The following POLA1 variants were observed in gnomAD, a reference collection of about 807,000 sequenced individuals.
The protein encoded by POLA1 is DNA polymerase alpha 1, catalytic subunit.
In POLA1, 15 loss-of-function variants were observed where a neutral mutation model predicts 124.0. The ratio of observed to expected loss-of-function variants is 0.12; its 90% CI spans 0.08 to 0.19. The LOEUF is 0.19. POLA1 is among the 10% of genes least tolerant of loss of function. The pLI, the probability that POLA1 is intolerant of heterozygous loss-of-function variation, is 1.00. For missense variants in POLA1, 886 were observed against 1,103.4 expected, an observed-to-expected ratio of 0.80 and a Z score of 2.79; for synonymous variants, 408 against 389.4, an observed-to-expected ratio of 1.05 and a Z score of -0.56.
chrX:24,888,280 GCTTT>G (rs2047090767), intron 35 of POLA1, among the ~76,000 whole-genome samples, 158 bp downstream of exon 35: 1 of 111,961 alleles, frequency 8.9e-6, no homozygotes, highest in African/African-American at 3.2e-5. Context: ...AAAGATACAT[GCTTT>G]CTTTTTTTCA....
chrX:24,931,332 C>T (rs1407106527), intron 36 of POLA1, among the ~76,000 whole-genome samples: 2 of 111,038 alleles, frequency 1.8e-5, no homozygotes, highest in Admixed American at 9.6e-5. Context: ...TTTTGTTGGT[C>T]GGTACTAGGG....
chrX:24,734,054 A>G (rs1316928927), intron 17 of POLA1: 1 of 234,000 alleles, frequency 4.3e-6, no homozygotes, highest in Non-Finnish European at 7.9e-6. Flanking sequence ...GTGGTTGGAT[A>G]GGCTCAAACC....
intron 26 of POLA1, among the ~76,000 whole-genome samples, chrX:24,802,027 G>A (rs1186720789): frequency 1.9e-5 from 2 of 105,484 alleles, no homozygotes; most frequent in Admixed American, 1.0e-4. Context: ...CGGCAGCCCA[G>A]GGAATAGTTG....
intron 35 of POLA1, among the ~76,000 whole-genome samples, chrX:24,914,520 C>T (rs1207980010): frequency 2.0e-5 from 2 of 101,930 alleles, no homozygotes; most frequent in African/African-American, 4.1e-5. Context: ...CATCTCCCCC[C>T]ACCCCCGCAA....
chrX:24,980,923 C>T lies in POLA1; in HGVS notation c.4262-14882C>T, dbSNP rs776746219. Among the ~76,000 whole-genome samples, 6 of 111,652 alleles carry T rather than the reference C, an allele frequency of 5.4e-5. No individual in the cohort carries two copies. In the South Asian group the frequency reaches 1.1e-3, roughly 21 times the overall value. ...CTGTGTGGGTACCTATATTATTTATCGGTGGTTATTGAAAATGAATGACTA... is the reference window on the plus strand; with the variant it reads ...CTGTGTGGGTACCTATATTATTTATTGGTGGTTATTGAAAATGAATGACTA... On this transcript the variant is annotated intron_variant, in intron 36 of 36. Transcript: ENST00000379068.
intron 36 of POLA1, among the ~76,000 whole-genome samples, chrX:24,977,290 C>T (rs1004920606): frequency 1.8e-5 from 2 of 112,430 alleles, no homozygotes; most frequent in African/African-American, 6.5e-5. Context: ...CACCCTCATA[C>T]TTAATTGATA....
At chrX:24,896,211 C>T (rs1019749163) in intron 35 of POLA1, among the ~76,000 whole-genome samples, 1 of 111,264 alleles carries the variant, frequency 9.0e-6, no homozygotes, top group African/African-American at 3.3e-5. Flanking sequence ...GTGCCGCTGG[C>T]ATCTCTTGAG....
chrX:24,864,537 C>T (rs73471545), intron 34 of POLA1, among the ~76,000 whole-genome samples: 6,496 of 111,428 alleles, frequency 0.058, 452 homozygotes, highest in African/African-American at 0.2. Flanking sequence ...CTTCCCTTTC[C>T]ACAGACTCTA....
chrX:24,995,078 A>G (rs1297716196), intron 36 of POLA1, among the ~76,000 whole-genome samples: 5 of 111,021 alleles, frequency 4.5e-5, no homozygotes, highest in East Asian at 2.8e-4. Flanking sequence ...AAGAAAGAAA[A>G]AAAACAACAT....
intron 32 of POLA1, among the ~76,000 whole-genome samples, chrX:24,837,274 A>G (rs2046352670): frequency 8.9e-6 from 1 of 112,138 alleles, no homozygotes; most frequent in African/African-American, 3.2e-5. Context: ...TATAGTAGCA[A>G]TCGCTCATCT....
At chrX:24,777,476 T>C (rs903745568) in intron 26 of POLA1, among the ~76,000 whole-genome samples, 11 of 110,846 alleles carry the variant, frequency 9.9e-5, no homozygotes, top group Non-Finnish European at 1.7e-4. Context: ...TCAAATTAAC[T>C]TTTTTGTCTT....
At chrX:24,797,920 C>T (rs1345592294) in intron 26 of POLA1, among the ~76,000 whole-genome samples, 2 of 107,524 alleles carry the variant, frequency 1.9e-5, no homozygotes, top group African/African-American at 6.8e-5. Flanking sequence ...TGGTGGGGTG[C>T]GCCTATAGTC....
chrX:24,806,030 C>T (rs142178173), intron 26 of POLA1, among the ~76,000 whole-genome samples: 1 of 47,433 alleles, frequency 2.1e-5, no homozygotes, highest in Non-Finnish European at 3.9e-5. Context: ...TTGTTGACTT[C>T]TAGAACATTT....
chrX:24,993,885 T>TA (rs2048566442), intron 36 of POLA1, among the ~76,000 whole-genome samples: 1 of 112,074 alleles, frequency 8.9e-6, no homozygotes, highest in Non-Finnish European at 1.9e-5. Context: ...GAGCACCGAG[T>TA]GACGCTGGTT....
At chrX:24,946,098 G>A (rs1222907040) in intron 36 of POLA1, among the ~76,000 whole-genome samples, 1 of 111,260 alleles carries the variant, frequency 9.0e-6, no homozygotes, top group Non-Finnish European at 1.9e-5. Context: ...GATCTTTCAA[G>A]GAGACTGGAT....
chrX:24,936,928 T>C (rs963286180), intron 36 of POLA1, among the ~76,000 whole-genome samples: 1 of 112,410 alleles, frequency 8.9e-6, no homozygotes, highest in African/African-American at 3.2e-5. Flanking sequence ...CACAAAACAG[T>C]TCGCATCTAT....
At chrX:24,801,918 TGGGTGG>T (rs1212715463) in intron 26 of POLA1, among the ~76,000 whole-genome samples, 7 of 76,956 alleles carry the variant, frequency 9.1e-5, no homozygotes, top group African/African-American at 3.4e-4. Context: ...CTAGGAGAGG[TGGGTGG>T]GTGTGTGTGT....
intron 31 of POLA1, among the ~76,000 whole-genome samples, chrX:24,824,243 T>C (rs1199332911): frequency 9.0e-6 from 1 of 111,178 alleles, no homozygotes; most frequent in Non-Finnish European, 1.9e-5. Context: ...TTCTTGCACA[T>C]ACCATGGGGC....
At chrX:24,973,247 A>G (rs1461695579) in intron 36 of POLA1, among the ~76,000 whole-genome samples, 1 of 111,238 alleles carries the variant, frequency 9.0e-6, no homozygotes, top group African/African-American at 3.3e-5. Flanking sequence ...AATCCTAGCT[A>G]CTACTTGGGA....
Sources: allele counts gnomAD v4.1 joint callset (sites outside exome capture counted in the v4.1 genomes callset), GRCh38; gene constraint gnomAD v4.1.1; transcripts MANE v1.5; gene names NCBI Gene and HGNC (gene_info 2026-07-23, HGNC 2026-07-21).